CALU: variants seen among roughly 807,000 people sequenced by gnomAD.
The protein encoded by CALU is calumenin.
A neutral mutation model predicts 37.5 loss-of-function variants in CALU; 13 were observed. That is an observed-to-expected ratio of 0.35 (90% CI 0.23 to 0.55). The LOEUF (loss-of-function observed/expected upper bound fraction) is 0.55, where lower values mean the gene tolerates loss of function less well. Among genes scored for constraint, CALU ranks in the 20% least tolerant of loss-of-function variants. The pLI is 0.89. For missense variants in CALU, 282 were observed against 391.7 expected (o/e 0.72, Z 2.36); for synonymous variants, 114 against 133.8 (o/e 0.85, Z 1.02).
Position 128,769,758 on chromosome 7 carries a change from T to A in CALU, c.*591T>A, listed in dbSNP as rs1283462161. 6.6e-6 allele frequency: 1 copy of A among 152,206 alleles called. No individual in the cohort carries two copies. The highest frequency in any genetic ancestry group is 1.5e-5 in the Non-Finnish European group (1 of 68,060). The allele number at this position is 152,206 out of a possible 1,614,324, so 9.4% of individuals were successfully genotyped here. On this transcript the variant is annotated 3_prime_UTR_variant, in exon 7 of 7. Transcript: ENST00000249364. ...CTGCCATTACCTGGGCAAGGAAAGA[T>A]CCCTTTGCTCTAGGAAAGCTTGGCC...
Position 128,757,543 on chromosome 7 carries a change from C to CAT in CALU, c.416-1328_416-1327insAT, listed in dbSNP as rs879351393. 7.7e-4 allele frequency among the ~76,000 whole-genome samples: 117 copies of CAT among 152,212 alleles called. 1 individual carries two copies. Among genetic ancestry groups the CAT allele is most frequent in the Non-Finnish European group, 1.4e-3 (92 of 68,006 alleles). ...AAACTGTGCTTAAAGTATGGAAAGACTGAACAATCTCAAAGGTCAGCAGTA... is the reference window on the plus strand; with the variant it reads ...AAACTGTGCTTAAAGTATGGAAAGACATTGAACAATCTCAAAGGTCAGCAGTA... On this transcript the variant is annotated intron_variant, in intron 3 of 6. Coordinates refer to ENST00000249364, the MANE Select transcript of CALU (RefSeq NM_001219.5).
chr7:128,759,771 T>G (rs1801030482), intron 4 of CALU, 21 bp from the exon 5 acceptor site: 1 of 1,167,040 alleles, frequency 8.6e-7, no homozygotes, highest in Non-Finnish European at 1.3e-6. Context: ...TAATAGTCTC[T>G]TCTTATTCTT....
At position 128,748,758 on chromosome 7, in the gene CALU, A is replaced by C; in HGVS notation, c.175A>C (p.Lys59Gln). ...HDAFLGAEEA[K>Q]TFDQLTPEES... is the part of the protein sequence containing the mutation. ...TGCCTTCTTGGGTGCTGAAGAAGCAAAGACCTTTGATCAGCTGACACCAGA... is the reference window on the plus strand; with the variant it reads ...TGCCTTCTTGGGTGCTGAAGAAGCACAGACCTTTGATCAGCTGACACCAGA... The change falls in exon 2 of 7, where the codon AAG (lysine) becomes CAG (glutamine). Residue 59 changes from lysine (K) to glutamine (Q), a missense_variant. Transcript: ENST00000249364. The C allele has an allele frequency of 6.2e-7, 1 of 1,614,194 alleles. No individual in the cohort carries two copies. The highest frequency in any genetic ancestry group is 8.5e-7 in the Non-Finnish European group (1 of 1,180,030).
At chr7:128,752,656 C>G (rs1014323739) in intron 2 of CALU, among the ~76,000 whole-genome samples, 1 of 152,106 alleles carries the variant, frequency 6.6e-6, no homozygotes, top group African/African-American at 2.4e-5. Context: ...GTCCTTATGT[C>G]TATGTAGATA....
chr7:128,762,368 CTTTTT>C (rs547572221), intron 5 of CALU, among the ~76,000 whole-genome samples: 1 of 131,522 alleles, frequency 7.6e-6, no homozygotes, highest in Non-Finnish European at 1.6e-5. Flanking sequence ...TGCATGTGTG[CTTTTT>C]TTTTTTTTTT....
chr7:128,762,678 GT>G (rs920305888), intron 5 of CALU, among the ~76,000 whole-genome samples: 4 of 151,510 alleles, frequency 2.6e-5, no homozygotes, highest in Non-Finnish European at 5.9e-5. Flanking sequence ...ATTTATTTAT[GT>G]TTTTTTTGAG....
At chr7:128,764,589 A>T (rs1366561601) in intron 5 of CALU, among the ~76,000 whole-genome samples, 1 of 152,232 alleles carries the variant, frequency 6.6e-6, no homozygotes, top group Admixed American at 6.5e-5. Flanking sequence ...ATAATCAAGA[A>T]ATTTAAATTC....
chr7:128,768,857 A>AAAAAAAC (rs1298656106), intron 6 of CALU, among the ~76,000 whole-genome samples: 3 of 150,342 alleles, frequency 2.0e-5, no homozygotes, highest in African/African-American at 7.4e-5. Flanking sequence ...CAAAAAAAAA[A>AAAAAAAC]AAAAAAAAAA....
In CALU at chr7:128,754,371, C is replaced by T. The variant is rs751087084; in HGVS notation, c.331C>T (p.Arg111Ter). The T allele has an allele frequency of 3.1e-6, 5 of 1,613,902 alleles. No homozygotes were observed. The highest frequency in any genetic ancestry group is 1.7e-5 in the Admixed American group (1 of 59,990). ...QKRWIYEDVE[R>*]QWKGHDLNED... ...GCGCTGGATTTACGAGGATGTAGAG[C>T]GACAGTGGAAGGGGCATGACCTCAA... The change falls in exon 3 of 7, where the codon CGA (arginine) becomes TGA (stop). Residue 111 changes from arginine to a stop codon, truncating the protein, a stop_gained. Transcript: ENST00000249364. LOFTEE classifies it high-confidence loss of function.
rs1233483083 is a variant in CALU at position 128,770,107 on chromosome 7, A to C, written c.*940A>C. On this transcript the variant is annotated 3_prime_UTR_variant, in exon 7 of 7. Transcript: ENST00000249364. ...AAGGAATTAATCTTGGTTTCACTAC[A>C]ATTAAAATTCACTCCTTTCCAATCA... is the stretch of plus-strand genomic sequence containing the variant. 1.3e-5 allele frequency: 2 copies of C among 152,612 alleles called. No homozygotes were observed. Among genetic ancestry groups the C allele is most frequent in the African/African-American group, 4.8e-5 (2 of 41,434 alleles). 9.5% of individuals were successfully genotyped at this position (152,612 alleles called of 1,614,324 possible). A position where few individuals can be genotyped will look rare whatever the true frequency, so the allele number is the denominator to read the frequency against.
chr7:128,748,540 C>G, intron 1 of CALU, 33 bp from the exon 2 acceptor site: 2 of 1,512,726 alleles, frequency 1.3e-6, no homozygotes. Flanking sequence ...AGCATACTGC[C>G]TCCTGAATTA....
intron 2 of CALU, 31 bp from the exon 3 acceptor site, chr7:128,754,231 C>G (rs759064275): frequency 1.9e-5 from 29 of 1,558,234 alleles, no homozygotes; most frequent in Non-Finnish European, 2.5e-5. Flanking sequence ...TCTTTTTAAC[C>G]TTTTGCTGGA....
At chr7:128,754,173 C>T in intron 2 of CALU, 89 bp from the exon 3 acceptor site, 2 of 988,166 alleles carry the variant, frequency 2.0e-6, no homozygotes, top group Non-Finnish European at 3.0e-6. Flanking sequence ...TTTTTTATTT[C>T]TGTGCATTAG....
intron 3 of CALU, 72 bp from the exon 4 acceptor site, chr7:128,758,799 G>T: frequency 9.6e-7 from 1 of 1,039,078 alleles, no homozygotes. Flanking sequence ...ATTGGAAATT[G>T]ATTTCCCACC....
chr7:128,751,248 A>G (rs1313520753), intron 2 of CALU, among the ~76,000 whole-genome samples: 1 of 149,666 alleles, frequency 6.7e-6, no homozygotes, highest in Non-Finnish European at 1.5e-5. Flanking sequence ...AGATCGCACC[A>G]CTGCACTCCA....
chr7:128,740,333 G>T (rs1800186147), intron 1 of CALU, among the ~76,000 whole-genome samples: 1 of 152,188 alleles, frequency 6.6e-6, no homozygotes, highest in Admixed American at 6.5e-5. Context: ...TTCATTTTCT[G>T]GTGTGGACCA....
In CALU at chr7:128,746,833, A is replaced by G. The variant is rs554473903; in HGVS notation, c.-11-1740A>G. ...GCCCAGGCTGGAGTGTAGAGGTGCT[A>G]TCTCGGCTCACTGCAAGCTCTGCCT... On this transcript the variant is annotated intron_variant, in intron 1 of 6. Coordinates refer to ENST00000249364, the MANE Select transcript of CALU (RefSeq NM_001219.5). Among the ~76,000 whole-genome samples the G allele has an allele frequency of 1.4e-4, 19 of 136,552 alleles. No individual in the cohort carries two copies. The South Asian group carries it at 3.9e-3, about 28-fold the overall frequency. 89.6% of individuals were successfully genotyped at this position (136,552 alleles called of 152,430 possible).
chr7:128,764,464 G>A (rs1715429080), intron 5 of CALU, among the ~76,000 whole-genome samples: 1 of 152,046 alleles, frequency 6.6e-6, no homozygotes, highest in African/African-American at 2.4e-5. Context: ...GATAAGCATT[G>A]ACATTTTGAA....
chr7:128,767,513 G>A lies in CALU; in HGVS notation c.701G>A (p.Arg234Gln), dbSNP rs1017589230. Residue 234 changes from arginine to glutamine, a missense_variant, in exon 6 of 7, where the codon CGA becomes CAA. By Grantham distance (43) the Arg-to-Gln change is conservative. Transcript: ENST00000249364. ...TDEPEWVKTEREQFVEFRDKN... is the reference protein window; with the variant it reads ...TDEPEWVKTEQEQFVEFRDKN... The stretch of plus-strand genomic sequence containing the variant: ...GAGCCAGAATGGGTAAAGACAGAGC[G>A]AGAGCAGTTTGTTGAGTTTCGGGAT... The A allele has an allele frequency of 3.1e-6, 5 of 1,614,170 alleles. No homozygotes were observed. The highest frequency in any genetic ancestry group is 1.6e-4 in the Middle Eastern group (1 of 6,062).
Sources: gnomAD v4.1 joint callset for allele counts (sites outside exome capture counted in the v4.1 genomes callset) on GRCh38, gnomAD v4.1.1 for gene constraint, MANE v1.5 for transcripts, NCBI Gene and HGNC (gene_info 2026-07-23, HGNC 2026-07-21) for gene names.